The following COL5A1 variants were observed in gnomAD, a reference collection of about 807,000 sequenced individuals.
COL5A1 encodes collagen type V alpha 1 chain.
Under a neutral mutation model 263.7 loss-of-function variants are expected in COL5A1, and 16 were observed. The ratio of observed to expected loss-of-function variants is 0.06; its 90% CI spans 0.04 to 0.09. The LOEUF (loss-of-function observed/expected upper bound fraction) is 0.09, where lower values mean the gene tolerates loss of function less well. Ranked by LOEUF, COL5A1 falls within the 10% of genes least tolerant of loss-of-function variation. The pLI is 1.00. For missense variants in COL5A1, 2,036 were observed against 2,540.5 expected, an observed-to-expected ratio of 0.80 and a Z score of 4.27; for synonymous variants, 1,012 against 1,004.5, an observed-to-expected ratio of 1.01 and a Z score of -0.14.
At chr9:134,703,116 T>A (rs1833727782) in intron 4 of COL5A1, among the ~76,000 whole-genome samples, 1 of 152,052 alleles carries the variant, frequency 6.6e-6, no homozygotes, top group South Asian at 2.1e-4. Flanking sequence ...GGTGTGAAGG[T>A]GGTGGAGATT....
intron 11 of COL5A1, among the ~76,000 whole-genome samples, chr9:134,744,646 C>T (rs1022348685): frequency 6.6e-6 from 1 of 152,028 alleles, no homozygotes; most frequent in African/African-American, 2.4e-5. Context: ...CCCAGACATG[C>T]ACACAGGTAC....
intron 27 of COL5A1, among the ~76,000 whole-genome samples, chr9:134,779,315 A>G (rs1439884709): frequency 6.6e-6 from 1 of 152,198 alleles, no homozygotes. Context: ...ATTTACCTCC[A>G]CTGCCCCAGG....
chr9:134,717,375 G>T (rs1230109295), intron 4 of COL5A1, among the ~76,000 whole-genome samples: 1 of 152,250 alleles, frequency 6.6e-6, no homozygotes, highest in East Asian at 1.9e-4. Flanking sequence ...CACCCTCCCA[G>T]CAGCCTCTGG....
chr9:134,829,246 G>T (rs1839467886), intron 63 of COL5A1, among the ~76,000 whole-genome samples: 2 of 152,224 alleles, frequency 1.3e-5, no homozygotes, highest in Admixed American at 1.3e-4. Context: ...CTGGGCAGCA[G>T]CAGGGGCTGG....
At chr9:134,786,133 G>A (rs1837450756) in intron 31 of COL5A1, 85 bp downstream of exon 31, 1 of 1,267,178 alleles carries the variant, frequency 7.9e-7, no homozygotes, top group African/African-American at 1.5e-5. Flanking sequence ...GCCGTGTTAG[G>A]TGTCCCGGCA....
chr9:134,731,772 A>G (rs1588481356), intron 8 of COL5A1, 109 bp downstream of exon 8: 7 of 1,229,922 alleles, frequency 5.7e-6, no homozygotes, highest in Admixed American at 2.3e-5. Flanking sequence ...GGGCAGCTCA[A>G]GTGTTACACC....
At chr9:134,737,642 A>G (rs915389575) in intron 9 of COL5A1, among the ~76,000 whole-genome samples, 3 of 152,124 alleles carry the variant, frequency 2.0e-5, no homozygotes, top group Non-Finnish European at 4.4e-5. Flanking sequence ...TCAGAAGTGG[A>G]GAGAGGAATC....
chr9:134,656,583 C>T (rs1424212250), intron 1 of COL5A1, among the ~76,000 whole-genome samples: 2 of 152,102 alleles, frequency 1.3e-5, no homozygotes, highest in African/African-American at 4.8e-5. Context: ...CCTAGGTGTG[C>T]CCGGTGTGCA....
chr9:134,785,868 GC>G (rs1282719830), intron 30 of COL5A1, 126 bp from the exon 31 acceptor site: 64 of 827,552 alleles, frequency 7.7e-5, no homozygotes, highest in Admixed American at 2.0e-5. Context: ...AATGACGTGT[GC>G]CCCCGCCTCT....
rs1290501813 is a variant in COL5A1, at chr9:134,716,133, T to C, written c.655-11133T>C. 2.0e-5 allele frequency among the ~76,000 whole-genome samples: 3 copies of C among 152,164 alleles called. No homozygotes were observed. The highest frequency in any genetic ancestry group is 3.8e-4 in the East Asian group (2 of 5,196). On this transcript the variant is annotated intron_variant, in intron 4 of 65. Coordinates refer to ENST00000371817, the MANE Select transcript of COL5A1 (RefSeq NM_000093.5). This position sits in a 1 kb window ranked among gnomAD's most constrained non-coding sequence, Gnocchi z 4.5. ...GTGGTGGCTGTGGAGGCTGTGCTAGTGGATGCTGATTGCTCTGGGGAGTGT... is the reference window on the plus strand; with the variant it reads ...GTGGTGGCTGTGGAGGCTGTGCTAGCGGATGCTGATTGCTCTGGGGAGTGT...
rs763583510 is a variant in COL5A1, at chr9:134,812,469, C to A, written c.3711C>A (p.Gly1237=). Residue 1237 remains glycine, a synonymous_variant, in exon 47 of 66, where the codon GGC becomes GGA. Transcript: ENST00000371817. Reference sequence around the variant, plus strand: ...CTCAGGGTTTGCCAGGACCTCCAGGCGAGAAGGGTGAGACAGGAGACGTGG... The same window carrying A: ...CTCAGGGTTTGCCAGGACCTCCAGGAGAGAAGGGTGAGACAGGAGACGTGG... ...VGLQGLPGPP[G]EKGETGDVGQ... 12 of 1,613,898 alleles carry A rather than the reference C, an allele frequency of 7.4e-6. No individual in the cohort carries two copies. The highest frequency in any genetic ancestry group is 6.7e-5 in the East Asian group (3 of 44,886).
At chr9:134,777,853 A>G (rs1204609942) in intron 27 of COL5A1, among the ~76,000 whole-genome samples, 1 of 152,224 alleles carries the variant, frequency 6.6e-6, no homozygotes. Flanking sequence ...CAGGGCAGGG[A>G]GGGGCAGCTG....
chr9:134,738,532 A>G lies in COL5A1; in HGVS notation c.1431+17A>G. 1 of 1,613,890 alleles carries G rather than the reference A, an allele frequency of 6.2e-7. No individual in the cohort carries two copies. Among genetic ancestry groups the G allele is most frequent in the Non-Finnish European group, 8.5e-7 (1 of 1,179,980 alleles). ...GGCCCCGCGGTGAGTATCCGGCTTT[A>G]TCCTGTGACTTGCAGAAGGTGCTCT... is the stretch of plus-strand genomic sequence containing the variant. On this transcript the variant is annotated intron_variant, in intron 10 of 65. Transcript: ENST00000371817.
In COL5A1 at chr9:134,794,670, G is replaced by C. The variant is rs1837830155; in HGVS notation, c.2701-412G>C. ...AGCAAAAGTAAATTATGTATGAAAGGGGTTGACTTTCTTCTCTTTTCTTGC... is the reference window on the plus strand; with the variant it reads ...AGCAAAAGTAAATTATGTATGAAAGCGGTTGACTTTCTTCTCTTTTCTTGC... On this transcript the variant is annotated intron_variant, in intron 32 of 65. Transcript: ENST00000371817. The surrounding 1 kb of genome is among the most constrained non-coding windows in gnomAD (Gnocchi z 4.3). 1.3e-5 allele frequency among the ~76,000 whole-genome samples: 2 copies of C among 152,176 alleles called. No homozygotes were observed. Among genetic ancestry groups the C allele is most frequent in the African/African-American group, 4.8e-5 (2 of 41,450 alleles).
chr9:134,778,777 G>A (rs1837146320), intron 27 of COL5A1, among the ~76,000 whole-genome samples: 1 of 152,254 alleles, frequency 6.6e-6, no homozygotes, highest in Non-Finnish European at 1.5e-5. Context: ...TGCAGGTGTA[G>A]TGGCAGAACT....
In COL5A1 at chr9:134,785,389, A is replaced by G. The variant is rs12004736; in HGVS notation, c.2592+293A>G. 0.083 allele frequency among the ~76,000 whole-genome samples: 12,536 copies of G among 151,806 alleles called. 784 individuals carry two copies. The highest frequency in any genetic ancestry group is 0.17 in the African/African-American group (7,013 of 41,390). On this transcript the variant is annotated intron_variant, in intron 30 of 65. Coordinates refer to ENST00000371817, the MANE Select transcript of COL5A1 (RefSeq NM_000093.5). ...GCGTTCTGAGCCCCAACATTCCAGG[A>G]CCCCGTCCTTGTCACATTCCCGCCT... is the stretch of plus-strand genomic sequence containing the variant.
At chr9:134,738,614 T>G (rs1483531653) in intron 10 of COL5A1, 99 bp downstream of exon 10, 4 of 1,562,054 alleles carry the variant, frequency 2.6e-6, no homozygotes, top group Admixed American at 3.3e-5. Flanking sequence ...AGAGGGGGGC[T>G]CTCCGCTTTT....
intron 64 of COL5A1, chr9:134,833,002 C>G (rs1415232740): frequency 7.2e-5 from 11 of 152,274 alleles, no homozygotes; most frequent in African/African-American, 1.7e-4. Context: ...CGGAGCAGGC[C>G]AGAGGCAGGG....
rs960924089 is a variant in COL5A1, at chr9:134,648,909, T to A, written c.109+6613T>A. ...GCCAGGCCAAGTTCAGCCCGCAGAG[T>A]GGCCCTCCCCTGCCTCCTCTGGCCA... On this transcript the variant is annotated intron_variant, in intron 1 of 65. Coordinates refer to ENST00000371817, the MANE Select transcript of COL5A1 (RefSeq NM_000093.5). 6.6e-5 allele frequency among the ~76,000 whole-genome samples: 10 copies of A among 152,062 alleles called. No homozygotes were observed. The East Asian group carries it at 1.9e-3, about 29-fold the overall frequency.
Sources: gnomAD v4.1 joint callset for allele counts (sites outside exome capture counted in the v4.1 genomes callset) on GRCh38, gnomAD v4.1.1 for gene constraint, Gnocchi (gnomAD v3.1) non-coding constraint, MANE v1.5 for transcripts, NCBI Gene and HGNC (gene_info 2026-07-23, HGNC 2026-07-21) for gene names.